The following IPMK variants were observed in gnomAD, a reference collection of about 807,000 sequenced individuals.
IPMK encodes inositol 1,3,4,6-tetrakisphosphate 5-kinase.
In IPMK, 17 loss-of-function variants were observed where a neutral mutation model predicts 45.8. The observed-to-expected ratio is 0.37, with a 90% CI of 0.25 to 0.56. The LOEUF (loss-of-function observed/expected upper bound fraction) is 0.56, where lower values mean the gene tolerates loss of function less well. IPMK is among the 20% of genes least tolerant of loss of function. The pLI is 0.79. For synonymous variants in IPMK, 180 were observed against 184.3 expected (o/e 0.98, Z 0.19); for missense variants, 399 against 498.0 (o/e 0.80, Z 1.89).
chr10:58,226,716 T>C (rs1048803174), intron 3 of IPMK, among the ~76,000 whole-genome samples: 3 of 152,148 alleles, frequency 2.0e-5, no homozygotes, highest in Non-Finnish European at 4.4e-5. Context: ...ATATTTTTCT[T>C]GATTTTTAAA....
At chr10:58,229,409 A>G (rs1351735549) in intron 2 of IPMK, among the ~76,000 whole-genome samples, 1 of 151,938 alleles carries the variant, frequency 6.6e-6, no homozygotes, top group Non-Finnish European at 1.5e-5. Context: ...CCAAAAATAC[A>G]AAAATTAGCT....
At position 58,227,055 on chromosome 10, in the gene IPMK, T is replaced by C; in HGVS notation, c.361A>G (p.Thr121Ala). 1.2e-6 allele frequency: 2 copies of C among 1,607,954 alleles called. No homozygotes were observed. Among genetic ancestry groups the C allele is most frequent in the Non-Finnish European group, 1.7e-6 (2 of 1,174,912 alleles). ...ATGACAAGATTACCGTTTGGTGCAG[T>C]GGGAGGTGACCAGATGCCATAATAT... Reference protein sequence around the residue: ...PKYYGIWSPPTAPNDLYLKLE... With the variant: ...PKYYGIWSPPAAPNDLYLKLE... Residue 121 changes from threonine (T) to alanine (A), a missense_variant, in exon 3 of 6, where the codon ACT becomes GCT. This residue lies in a region of IPMK where 288 missense variants were observed against 398.0 expected (regional missense o/e 0.72). Transcript: ENST00000373935.
chr10:58,197,096 C>G (rs552021555), intron 5 of IPMK, among the ~76,000 whole-genome samples: 2 of 151,060 alleles, frequency 1.3e-5, no homozygotes, highest in Non-Finnish European at 2.9e-5. Context: ...GTCAGGAGAT[C>G]CAGACCATCC....
chr10:58,216,076 A>C, intron 4 of IPMK, 69 bp downstream of exon 4: 2 of 967,884 alleles, frequency 2.1e-6, no homozygotes, highest in Non-Finnish European at 2.9e-6. Flanking sequence ...TACTACAATG[A>C]CATCCATAAT....
intron 5 of IPMK, among the ~76,000 whole-genome samples, chr10:58,197,167 G>A (rs1837908682): frequency 6.6e-6 from 1 of 151,650 alleles, no homozygotes; most frequent in Admixed American, 6.6e-5. Context: ...GGGGATGGTG[G>A]CGGGCACCTG....
intron 1 of IPMK, among the ~76,000 whole-genome samples, chr10:58,244,666 G>C (rs918111282): frequency 1.3e-5 from 2 of 152,124 alleles, no homozygotes; most frequent in Non-Finnish European, 2.9e-5. Context: ...GAAAGAAGTA[G>C]ACATAGGAGA....
chr10:58,214,903 A>G (rs375937813), intron 4 of IPMK, among the ~76,000 whole-genome samples: 8 of 152,276 alleles, frequency 5.3e-5, no homozygotes, highest in African/African-American at 1.9e-4. Context: ...GCACATTGCT[A>G]TTCATGCTGT....
intron 5 of IPMK, 116 bp from the exon 6 acceptor site, chr10:58,196,814 A>T: frequency 1.4e-6 from 1 of 722,766 alleles, no homozygotes; most frequent in Non-Finnish European, 2.2e-6. Flanking sequence ...GAATTAAGTG[A>T]ACAGTTAATC....
rs143005253 is a variant in IPMK at position 58,239,667 on chromosome 10, C to T, written c.191-1853G>A. The stretch of plus-strand genomic sequence containing the variant: ...ACTCACCCTGCAACATAACCCCTCA[C>T]GTTTGAGAAGACAGAAGGTGGTAAT... On this transcript the variant is annotated intron_variant, in intron 1 of 5. Transcript: ENST00000373935. 8.7e-4 allele frequency among the ~76,000 whole-genome samples: 133 copies of T among 152,290 alleles called. 2 individuals are homozygous for T. Among genetic ancestry groups the T allele is most frequent in the Non-Finnish European group, 1.8e-4 (12 of 68,040 alleles).
chr10:58,222,608 G>A (rs955306058), intron 3 of IPMK, among the ~76,000 whole-genome samples: 2 of 152,110 alleles, frequency 1.3e-5, no homozygotes, highest in Non-Finnish European at 2.9e-5. Context: ...ATTTCAAGAG[G>A]TAACTATGTT....
chr10:58,255,613 C>T (rs1315866826), intron 1 of IPMK, among the ~76,000 whole-genome samples: 5 of 151,968 alleles, frequency 3.3e-5, no homozygotes, highest in Non-Finnish European at 7.4e-5. Flanking sequence ...ATTCTGCCAT[C>T]TTGATGATAT....
In IPMK at chr10:58,195,956, A is replaced by G; in HGVS notation, c.*120T>C. The G allele has an allele frequency of 1.1e-6, 1 of 938,146 alleles. No individual in the cohort carries two copies. Among genetic ancestry groups the G allele is most frequent in the Non-Finnish European group, 1.6e-6 (1 of 618,634 alleles). The allele number at this position is 938,146 out of a possible 1,614,324, so 58.1% of individuals were successfully genotyped here. A position where few individuals can be genotyped will look rare whatever the true frequency, so the allele number is the denominator to read the frequency against. ...AAGTTAACCATTCTTCCAAAAGTAT[A>G]AAGACAAATAAAATGTCGACTCATA... On this transcript the variant is annotated 3_prime_UTR_variant, in exon 6 of 6. Coordinates refer to ENST00000373935, the MANE Select transcript of IPMK (RefSeq NM_152230.5).
chr10:58,211,089 T>C (rs1472678410), intron 4 of IPMK, among the ~76,000 whole-genome samples: 1 of 151,994 alleles, frequency 6.6e-6, no homozygotes, highest in Admixed American at 6.5e-5. Context: ...CTTGAGAGAC[T>C]AGACTCTGGA....
At chr10:58,225,693 G>A (rs192765273) in intron 3 of IPMK, among the ~76,000 whole-genome samples, 156 of 152,088 alleles carry the variant, frequency 1.0e-3, no homozygotes, top group Non-Finnish European at 1.8e-3. Context: ...ATTTTTCAGC[G>A]TCACTTTACT....
intron 3 of IPMK, among the ~76,000 whole-genome samples, chr10:58,222,413 A>G (rs557429028): frequency 2.6e-5 from 4 of 152,310 alleles, no homozygotes; most frequent in Admixed American, 2.6e-4. Flanking sequence ...AGATAGCACA[A>G]TTAACTAGAT....
intron 3 of IPMK, among the ~76,000 whole-genome samples, chr10:58,218,880 C>A (rs536080456): frequency 1.3e-5 from 2 of 152,234 alleles, no homozygotes; most frequent in South Asian, 4.1e-4. Context: ...AGTGGAAATA[C>A]AATAAATGTT....
intron 1 of IPMK, among the ~76,000 whole-genome samples, chr10:58,244,645 G>A (rs1838767448): frequency 6.6e-6 from 1 of 152,100 alleles, no homozygotes; most frequent in Admixed American, 6.6e-5. Flanking sequence ...GATTGTTACT[G>A]TGTCTGTGTA....
chr10:58,193,326 G>A lies in IPMK; in HGVS notation c.*2750C>T, dbSNP rs562609317. The A allele has an allele frequency of 6.6e-6, 1 of 151,956 alleles. No homozygotes were observed. The highest frequency in any genetic ancestry group is 2.1e-4 in the South Asian group (1 of 4,828). 9.4% of individuals were successfully genotyped at this position (151,956 alleles called of 1,614,324 possible). ...GTTTAGAGCCCCATAAGAGCAAACT[G>A]TAGTGTAAAGAGGAAAAGTAAGTAC... On this transcript the variant is annotated 3_prime_UTR_variant, in exon 6 of 6. Transcript: ENST00000373935.
chr10:58,206,366 G>T (rs540215600), intron 4 of IPMK, among the ~76,000 whole-genome samples: 2 of 152,184 alleles, frequency 1.3e-5, no homozygotes, highest in Non-Finnish European at 2.9e-5. Context: ...AAAAAATACT[G>T]TAAGTTGAAT....
Sources: gnomAD v4.1 joint callset for allele counts (sites outside exome capture counted in the v4.1 genomes callset) on GRCh38, gnomAD v4.1.1 for gene constraint, gnomAD v4.1.1 regional missense constraint, MANE v1.5 for transcripts, NCBI Gene and HGNC (gene_info 2026-07-23, HGNC 2026-07-21) for gene names.